The following ANKS1A variants were observed in gnomAD, a reference collection of about 807,000 sequenced individuals.
ANKS1A encodes ankyrin repeat and SAM domain-containing protein 1A.
Under a neutral mutation model 120.3 loss-of-function variants are expected in ANKS1A, and 55 were observed. That is an observed-to-expected ratio of 0.46 (90% CI 0.37 to 0.57). The LOEUF (loss-of-function observed/expected upper bound fraction) is 0.57. ANKS1A is among the 20% of genes least tolerant of loss of function. The pLI is 0.00. For missense variants in ANKS1A, 1,123 were observed against 1,480.3 expected, an observed-to-expected ratio of 0.76 and a Z score of 3.96; for synonymous variants, 590 against 604.7, an observed-to-expected ratio of 0.98 and a Z score of 0.36.
chr6:34,950,644 G>A (rs1022080253), intron 1 of ANKS1A, among the ~76,000 whole-genome samples: 5 of 152,144 alleles, frequency 3.3e-5, no homozygotes, highest in African/African-American at 1.2e-4. Context: ...GGGGTCAGTG[G>A]GTAGAAAGCG....
At chr6:34,910,286 G>T (rs1294501283) in intron 1 of ANKS1A, among the ~76,000 whole-genome samples, 10 of 152,176 alleles carry the variant, frequency 6.6e-5, no homozygotes, top group Admixed American at 6.5e-4. Flanking sequence ...ATTACAGGCG[G>T]GTCACAGTGG....
chr6:34,902,925 A>G (rs1378174180), intron 1 of ANKS1A, among the ~76,000 whole-genome samples: 3 of 151,938 alleles, frequency 2.0e-5, no homozygotes, highest in Admixed American at 1.3e-4. Context: ...TGTAAAATTT[A>G]TAGTTCATTT....
In ANKS1A at chr6:34,984,083, C is replaced by T. The variant is rs74292903; in HGVS notation, c.1012+658C>T. Among the ~76,000 whole-genome samples the T allele has an allele frequency of 2.0e-3, 312 of 152,232 alleles. 2 individuals carry two copies. Among genetic ancestry groups the T allele is most frequent in the East Asian group, 0.014 (71 of 5,180 alleles). ...TTCTGGGATTACAGGCGTGAGCCAC[C>T]GTTCCCAGCCAATATTTAATGAGTA... On this transcript the variant is annotated intron_variant, in intron 7 of 23. Coordinates refer to ENST00000360359, the MANE Select transcript of ANKS1A (RefSeq NM_015245.3).
chr6:34,913,619 TTTGTTGTTGTTGTTGTTG>T (rs549695039), intron 1 of ANKS1A, among the ~76,000 whole-genome samples: 1 of 151,116 alleles, frequency 6.6e-6, no homozygotes, highest in East Asian at 2.0e-4. Context: ...AACAAAATAG[TTTGTTGTTGTTGTTGTTG>T]TTGTTGTTGT....
rs1778209748 is a variant in ANKS1A, at chr6:35,089,940, T to C, written c.*1331T>C. ...ATCCAGGCTTCAGCAACACTCCTCT[T>C]TCCCAGCCAGCAAAGGCTGTGAATT... On this transcript the variant is annotated 3_prime_UTR_variant, in exon 24 of 24. Transcript: ENST00000360359. The C allele has an allele frequency of 5.1e-6, 6 of 1,165,916 alleles. No individual in the cohort carries two copies. Among genetic ancestry groups the C allele is most frequent in the Non-Finnish European group, 6.5e-6 (6 of 929,704 alleles). The allele number at this position is 1,165,916 out of a possible 1,614,324, so 72.2% of individuals were successfully genotyped here.
chr6:34,962,101 C>T (rs1770667229), intron 1 of ANKS1A, among the ~76,000 whole-genome samples: 1 of 152,156 alleles, frequency 6.6e-6, no homozygotes, highest in Admixed American at 6.5e-5. Flanking sequence ...TGTCACTTGC[C>T]ATCACCCTGA....
chr6:35,078,676 T>C lies in ANKS1A; in HGVS notation c.2283+20T>C. 6.3e-7 allele frequency: 1 copy of C among 1,599,228 alleles called. No individual in the cohort carries two copies. Among genetic ancestry groups the C allele is most frequent in the Non-Finnish European group, 8.5e-7 (1 of 1,179,234 alleles). On this transcript the variant is annotated intron_variant, in intron 14 of 23. Transcript: ENST00000360359. ...CCCAAGGTGACCATCGCCGGCCCTGTAGCCTCAGCCCGTGCGGAGCCAGGG... is the reference window on the plus strand; with the variant it reads ...CCCAAGGTGACCATCGCCGGCCCTGCAGCCTCAGCCCGTGCGGAGCCAGGG...
intron 10 of ANKS1A, among the ~76,000 whole-genome samples, chr6:35,003,840 C>A (rs1336922535): frequency 1.3e-5 from 2 of 152,008 alleles, no homozygotes; most frequent in Non-Finnish European, 2.9e-5. Context: ...AAGAGAGACC[C>A]TCTCATATTG....
chr6:35,080,894 G>A (rs1777634084), intron 16 of ANKS1A, 100 bp from the exon 17 acceptor site: 2 of 1,426,360 alleles, frequency 1.4e-6, no homozygotes, highest in Admixed American at 2.0e-5. Context: ...TTCTCCCGGT[G>A]CCGCTGCCTG....
At chr6:34,917,475 A>G (rs1248352403) in intron 1 of ANKS1A, among the ~76,000 whole-genome samples, 3 of 152,212 alleles carry the variant, frequency 2.0e-5, no homozygotes, top group East Asian at 1.9e-4. Flanking sequence ...CAAAATTCCT[A>G]TGACCACTGT....
chr6:35,060,696 A>C lies in ANKS1A; in HGVS notation c.2184+443A>C, dbSNP rs1776452265. 6.6e-6 allele frequency among the ~76,000 whole-genome samples: 1 copy of C among 152,200 alleles called. No individual in the cohort carries two copies. Among genetic ancestry groups the C allele is most frequent in the African/African-American group, 2.4e-5 (1 of 41,460 alleles). ...AGTGCCTGGGGTAGAGTCCAGAGTTACACAGCCTTATATACCCGTGGCCTC... is the reference window on the plus strand; with the variant it reads ...AGTGCCTGGGGTAGAGTCCAGAGTTCCACAGCCTTATATACCCGTGGCCTC... On this transcript the variant is annotated intron_variant, in intron 13 of 23. Coordinates refer to ENST00000360359, the MANE Select transcript of ANKS1A (RefSeq NM_015245.3). The surrounding 1 kb of genome is among the most constrained non-coding windows in gnomAD (Gnocchi z 4.5).
chr6:34,979,191 G>C (rs536848863), intron 3 of ANKS1A, among the ~76,000 whole-genome samples: 1 of 152,206 alleles, frequency 6.6e-6, no homozygotes, highest in East Asian at 1.9e-4. Context: ...CACCGTGCCC[G>C]GCCCCTACTA....
Position 35,084,090 on chromosome 6 carries a change from G to C in ANKS1A, c.2995-31G>C. 6.2e-7 allele frequency: 1 copy of C among 1,612,928 alleles called. No homozygotes were observed. On this transcript the variant is annotated intron_variant, in intron 20 of 23. Transcript: ENST00000360359. This position sits in a 1 kb window ranked among gnomAD's most constrained non-coding sequence, Gnocchi z 4.8. The stretch of plus-strand genomic sequence containing the variant: ...GGGTGCCAGAGGCATGCCTGAGCCT[G>C]AGAATTCCAGAACACGGCTTTCCCC...
intron 10 of ANKS1A, among the ~76,000 whole-genome samples, chr6:34,998,554 C>A (rs542949598): frequency 9.2e-5 from 14 of 152,250 alleles, no homozygotes; most frequent in South Asian, 6.2e-4. Flanking sequence ...GATGTTATCT[C>A]TAGATTATAG....
chr6:35,075,415 C>CTTTT (rs747359283), intron 13 of ANKS1A, among the ~76,000 whole-genome samples: 4 of 129,886 alleles, frequency 3.1e-5, no homozygotes, highest in Non-Finnish European at 4.9e-5. Flanking sequence ...GGTTAATTTT[C>CTTTT]TTTTTTTTTT....
At chr6:34,961,489 C>T (rs765794378) in intron 1 of ANKS1A, among the ~76,000 whole-genome samples, 5 of 152,196 alleles carry the variant, frequency 3.3e-5, no homozygotes, top group Non-Finnish European at 4.4e-5. Context: ...GGAAACGTTG[C>T]TGCTTTTTGC....
intron 2 of ANKS1A, among the ~76,000 whole-genome samples, chr6:34,969,670 C>A (rs1457043148): frequency 6.6e-6 from 1 of 152,202 alleles, no homozygotes; most frequent in African/African-American, 2.4e-5. Flanking sequence ...TATGTAAATT[C>A]AACACTTGAA....
At chr6:34,997,037 T>C (rs1005247961) in intron 10 of ANKS1A, among the ~76,000 whole-genome samples, 3 of 152,194 alleles carry the variant, frequency 2.0e-5, no homozygotes, top group African/African-American at 7.2e-5. Context: ...AGAATCAGCT[T>C]ATTGATTTCT....
At chr6:34,977,433 A>C (rs1771661366) in intron 3 of ANKS1A, among the ~76,000 whole-genome samples, 1 of 152,088 alleles carries the variant, frequency 6.6e-6, no homozygotes, top group South Asian at 2.1e-4. Context: ...GTAATTCTAA[A>C]AGCTGGTTTG....
Sources: allele counts gnomAD v4.1 joint callset (sites outside exome capture counted in the v4.1 genomes callset), GRCh38; gene constraint gnomAD v4.1.1; non-coding constraint Gnocchi (gnomAD v3.1); transcripts MANE v1.5; gene names NCBI Gene and HGNC (gene_info 2026-07-23, HGNC 2026-07-21).